The following APP variants were observed in gnomAD, a reference collection of about 807,000 sequenced individuals.
APP encodes amyloid beta precursor protein.
Under a neutral mutation model 101.4 loss-of-function variants are expected in APP, and 31 were observed. That is an observed-to-expected ratio of 0.31 (90% CI 0.23 to 0.41). The LOEUF is 0.41. Ranked by LOEUF, APP falls within the 10% of genes least tolerant of loss-of-function variation. APP has a pLI of 1.00. For missense variants in APP, 839 were observed against 1,003.7 expected, an observed-to-expected ratio of 0.84 and a Z score of 2.22; for synonymous variants, 366 against 364.4, an observed-to-expected ratio of 1.00 and a Z score of -0.05.
At chr21:26,077,820 C>T (rs1163283922) in intron 3 of APP, among the ~76,000 whole-genome samples, 1 of 150,530 alleles carries the variant, frequency 6.6e-6, no homozygotes, top group Non-Finnish European at 1.5e-5. Flanking sequence ...GATGCATCAC[C>T]AACAAGTTGA....
intron 1 of APP, among the ~76,000 whole-genome samples, chr21:26,161,555 G>C (rs1481550527): frequency 6.6e-6 from 1 of 152,048 alleles, no homozygotes; most frequent in Non-Finnish European, 1.5e-5. Context: ...AGGTTTCTTT[G>C]TGTATGAAAA....
At chr21:26,017,267 C>CCA (rs2044136060) in intron 6 of APP, among the ~76,000 whole-genome samples, 1 of 148,320 alleles carries the variant, frequency 6.7e-6, no homozygotes. Context: ...AAAATTTCCA[C>CCA]CACACAGCAT....
At chr21:25,887,229 C>CCGCTTG (rs1383607201) in intron 17 of APP, among the ~76,000 whole-genome samples, 1 of 152,076 alleles carries the variant, frequency 6.6e-6, no homozygotes, top group Admixed American at 6.6e-5. Flanking sequence ...TAGAAAAGTA[C>CCGCTTG]CGCTTGCTAC....
At chr21:26,020,289 G>A (rs73163773) in intron 6 of APP, among the ~76,000 whole-genome samples, 4,031 of 152,250 alleles carry the variant, frequency 0.026, 81 homozygotes, top group Admixed American at 0.058. Context: ...GGTGAGTAGA[G>A]GGCTTAACTG....
chr21:26,146,308 G>A (rs375118709), intron 1 of APP, among the ~76,000 whole-genome samples: 11 of 152,328 alleles, frequency 7.2e-5, no homozygotes, highest in Middle Eastern at 3.4e-3. Context: ...TGTACTCCAA[G>A]CAAAGAAATA....
chr21:26,044,921 A>C (rs780529647), intron 5 of APP, among the ~76,000 whole-genome samples: 1 of 152,226 alleles, frequency 6.6e-6, no homozygotes, highest in Non-Finnish European at 1.5e-5. Flanking sequence ...TCATCACTCA[A>C]TATTATGTGA....
rs561494529 is a variant in APP, at chr21:26,084,555, A to G, written c.355+5388T>C. 1.2e-4 allele frequency among the ~76,000 whole-genome samples: 18 copies of G among 152,184 alleles called. No homozygotes were observed. The South Asian group carries it at 3.7e-3, about 32-fold the overall frequency. ...GCCCGGCCGAAGACACCATTTTTAT[A>G]GGTGTTCTTGCTTAATCAAATGGAA... On this transcript the variant is annotated intron_variant, in intron 3 of 17. Transcript: ENST00000346798.
chr21:26,049,253 T>A (rs531501690), intron 5 of APP, among the ~76,000 whole-genome samples: 2 of 151,896 alleles, frequency 1.3e-5, no homozygotes, highest in Non-Finnish European at 2.9e-5. Flanking sequence ...AACATAATCA[T>A]AAAAGGGAAG....
At chr21:26,103,948 A>C (rs1568978766) in intron 2 of APP, among the ~76,000 whole-genome samples, 2 of 152,220 alleles carry the variant, frequency 1.3e-5, no homozygotes, top group African/African-American at 2.4e-5. Context: ...TGAATGGCTT[A>C]AACAACAAAA....
In APP at chr21:26,046,542, A is replaced by AG. The variant is rs201936430; in HGVS notation, c.662+4457dup. ...AGCTCTTTAAAAAAAAAATGTTCAA[A>AG]GAAATAGAAAAAAAAAATCATCTAA... On this transcript the variant is annotated intron_variant, in intron 5 of 17. Coordinates refer to ENST00000346798, the MANE Select transcript of APP (RefSeq NM_000484.4). 3.7e-3 allele frequency among the ~76,000 whole-genome samples: 558 copies of AG among 152,246 alleles called. 5 individuals are homozygous for AG. The highest frequency in any genetic ancestry group is 0.013 in the African/African-American group (531 of 41,538).
At chr21:25,907,280 G>T (rs1601361083) in intron 14 of APP, among the ~76,000 whole-genome samples, 1 of 152,158 alleles carries the variant, frequency 6.6e-6, no homozygotes, top group South Asian at 2.1e-4. Context: ...GATTGAAGCT[G>T]ATTTAGTATA....
chr21:25,908,891 G>A (rs1272155592), intron 14 of APP, among the ~76,000 whole-genome samples: 1 of 152,106 alleles, frequency 6.6e-6, no homozygotes, highest in Non-Finnish European at 1.5e-5. Context: ...ATTTAAACTC[G>A]GGTCTGTATC....
intron 1 of APP, among the ~76,000 whole-genome samples, chr21:26,159,239 C>T (rs2063438700): frequency 6.6e-6 from 1 of 152,080 alleles, no homozygotes; most frequent in Non-Finnish European, 1.5e-5. Flanking sequence ...GTCACCACGC[C>T]CGGTTAATTT....
At chr21:26,104,476 A>G (rs928043768) in intron 2 of APP, among the ~76,000 whole-genome samples, 80 of 152,354 alleles carry the variant, frequency 5.3e-4, no homozygotes, top group African/African-American at 1.8e-3. Context: ...GGATTAAACA[A>G]AGACTCAATT....
intron 13 of APP, among the ~76,000 whole-genome samples, chr21:25,918,421 C>G (rs564489056): frequency 6.9e-4 from 105 of 152,262 alleles, no homozygotes; most frequent in Admixed American, 2.0e-3. Flanking sequence ...CAGCTCCCAG[C>G]GTGAGCGACG....
chr21:26,050,751 T>C (rs1164532241), intron 5 of APP, among the ~76,000 whole-genome samples: 1 of 152,196 alleles, frequency 6.6e-6, no homozygotes, highest in African/African-American at 2.4e-5. Flanking sequence ...CTATGATAGT[T>C]ATCAGTGGGA....
At chr21:26,123,145 G>C (rs1383857986) in intron 1 of APP, among the ~76,000 whole-genome samples, 1 of 152,130 alleles carries the variant, frequency 6.6e-6, no homozygotes, top group Non-Finnish European at 1.5e-5. Flanking sequence ...AGAACATGAA[G>C]TCACTTATTT....
At chr21:25,897,111 T>C (rs1373812646) in intron 16 of APP, among the ~76,000 whole-genome samples, 4 of 151,770 alleles carry the variant, frequency 2.6e-5, no homozygotes, top group Non-Finnish European at 5.9e-5. Context: ...GAAAGAACTA[T>C]ACATACAGCC....
chr21:26,033,762 C>T (rs1173660375), intron 5 of APP, among the ~76,000 whole-genome samples: 3 of 152,126 alleles, frequency 2.0e-5, no homozygotes, highest in South Asian at 2.1e-4. Flanking sequence ...GATGTGAAGG[C>T]GGTGCTCGTG....
Sources: gnomAD v4.1 joint callset for allele counts (sites outside exome capture counted in the v4.1 genomes callset) on GRCh38, gnomAD v4.1.1 for gene constraint, MANE v1.5 for transcripts, NCBI Gene and HGNC (gene_info 2026-07-23, HGNC 2026-07-21) for gene names.